The following SLC16A2 variants were observed in gnomAD, a reference collection of about 807,000 sequenced individuals.
SLC16A2 encodes the protein monocarboxylate transporter 8.
SLC16A2 carries 3 observed loss-of-function variants against 27.2 expected under a neutral mutation model. That is an observed-to-expected ratio of 0.11 (90% confidence interval 0.05 to 0.28). The LOEUF (loss-of-function observed/expected upper bound fraction) is 0.28, where lower values mean the gene tolerates loss of function less well. Among genes scored for constraint, SLC16A2 ranks in the 10% least tolerant of loss-of-function variants. The probability of loss-of-function intolerance (pLI) is 1.00; values close to 1 mark genes in which losing one functional copy is unlikely to be tolerated. For missense variants in SLC16A2, 295 were observed against 458.5 expected (o/e 0.64, Z 3.26); for synonymous variants, 202 against 187.8 (o/e 1.08, Z -0.62).
chrX:74,436,042 G>C (rs1404545653), intron 1 of SLC16A2, among the ~76,000 whole-genome samples: 5 of 111,456 alleles, frequency 4.5e-5, no homozygotes, highest in African/African-American at 1.6e-4. Flanking sequence ...GAGTGGTGAG[G>C]TTGTGAGTGG....
At chrX:74,495,263 C>T (rs1748309) in intron 1 of SLC16A2, among the ~76,000 whole-genome samples, 4 of 111,092 alleles carry the variant, frequency 3.6e-5, no homozygotes, top group Admixed American at 1.9e-4. Flanking sequence ...TCACAGATAC[C>T]AGCCAGGGAG....
chrX:74,424,861 T>G (rs770696242), intron 1 of SLC16A2, among the ~76,000 whole-genome samples: 1 of 111,218 alleles, frequency 9.0e-6, no homozygotes, highest in East Asian at 2.8e-4. Context: ...AGGTAGTTTC[T>G]TATACTTTAT....
Position 74,517,468 on chromosome X carries a change from A to AT in SLC16A2, c.431-3514dup, listed in dbSNP as rs760700905. On this transcript the variant is annotated intron_variant, in intron 1 of 5. Coordinates refer to ENST00000587091, the MANE Select transcript of SLC16A2 (RefSeq NM_006517.5). ...GTAAGATGATTTGCTAAATTTAATT[A>AT]TTTTTTTTCTCTTTGACAATACAAC... Among the ~76,000 whole-genome samples, 47 of 110,867 alleles carry AT rather than the reference A, an allele frequency of 4.2e-4. 1 individual carries two copies. The South Asian group carries it at 4.6e-3, about 11-fold the overall frequency.
At chrX:74,518,378 G>C (rs1930350115) in intron 1 of SLC16A2, among the ~76,000 whole-genome samples, 1 of 111,656 alleles carries the variant, frequency 9.0e-6, no homozygotes, top group Non-Finnish European at 1.9e-5. Context: ...TGGATCATTT[G>C]AGGCCGGGAG....
chrX:74,452,533 G>A (rs1024465716), intron 1 of SLC16A2, among the ~76,000 whole-genome samples: 24 of 111,425 alleles, frequency 2.2e-4, no homozygotes, highest in African/African-American at 7.2e-4. Context: ...AGTTTGTCAC[G>A]CAGAGTAGGG....
In SLC16A2 at chrX:74,439,283, CCCTT is replaced by C. The variant is rs1190372955; in HGVS notation, c.430+17233_430+17236del. Among the ~76,000 whole-genome samples the C allele has an allele frequency of 2.9e-3, 275 of 93,976 alleles. 1 individual carries two copies. The highest frequency in any genetic ancestry group is 0.01 in the African/African-American group (251 of 24,961). The allele number at this position is 93,976 out of a possible 115,157, so 81.6% of individuals were successfully genotyped here. A position where few individuals can be genotyped will look rare whatever the true frequency, so the allele number is the denominator to read the frequency against. ...TTTCTCTCTCCCTTCCTTCCTCCCT[CCCTT>C]CCTTCCTTCCTTCCTTTCTTCCTTT... On this transcript the variant is annotated intron_variant, in intron 1 of 5. Coordinates refer to ENST00000587091, the MANE Select transcript of SLC16A2 (RefSeq NM_006517.5).
intron 1 of SLC16A2, among the ~76,000 whole-genome samples, chrX:74,509,573 CT>C (rs756722619): frequency 3.7e-5 from 4 of 108,703 alleles, no homozygotes; most frequent in African/African-American, 1.0e-4. Context: ...GTTTTTTCCC[CT>C]TTTTTTTGAG....
At chrX:74,495,130 A>C (rs1337955418) in intron 1 of SLC16A2, among the ~76,000 whole-genome samples, 2 of 111,981 alleles carry the variant, frequency 1.8e-5, no homozygotes, top group Admixed American at 9.5e-5. Flanking sequence ...CCCACACCCC[A>C]GGTGAGCCTT....
intron 1 of SLC16A2, among the ~76,000 whole-genome samples, chrX:74,447,321 C>T (rs1326662150): frequency 8.9e-6 from 1 of 111,763 alleles, no homozygotes; most frequent in Non-Finnish European, 1.9e-5. Flanking sequence ...GGCCCACTAA[C>T]TCCCTGTGTG....
At chrX:74,449,443 G>T (rs150012428) in intron 1 of SLC16A2, among the ~76,000 whole-genome samples, 2 of 112,070 alleles carry the variant, frequency 1.8e-5, no homozygotes, top group Non-Finnish European at 3.8e-5. Flanking sequence ...AGCCCCAAAG[G>T]CTCAAGATAT....
chrX:74,507,265 AT>A (rs1259369404), intron 1 of SLC16A2, among the ~76,000 whole-genome samples: 1 of 110,599 alleles, frequency 9.0e-6, no homozygotes. Flanking sequence ...CTCATCTGTG[AT>A]TTTTTTTATT....
At chrX:74,513,109 T>C (rs1930260812) in intron 1 of SLC16A2, among the ~76,000 whole-genome samples, 2 of 111,922 alleles carry the variant, frequency 1.8e-5, no homozygotes, top group African/African-American at 6.5e-5. Context: ...ATTATAATAG[T>C]TCATCCTCAA....
chrX:74,445,447 A>C (rs933599346), intron 1 of SLC16A2, among the ~76,000 whole-genome samples: 1 of 109,024 alleles, frequency 9.2e-6, no homozygotes, highest in East Asian at 2.9e-4. Flanking sequence ...ATTTTGCTAG[A>C]TGCTATGATA....
At position 74,443,156 on chromosome X, in the gene SLC16A2, C is replaced by CT. The variant is rs143704684; in HGVS notation, c.430+21097dup. Among the ~76,000 whole-genome samples, 975 of 111,126 alleles carry CT rather than the reference C, an allele frequency of 8.8e-3. 6 individuals are homozygous for CT. Among genetic ancestry groups the CT allele is most frequent in the Non-Finnish European group, 0.014 (715 of 52,922 alleles). ...TAGCTTTATGAGGGGATATTCCTCCCTTTTTTTTCACACATTAGAGTATTG... is the reference window on the plus strand; with the variant it reads ...TAGCTTTATGAGGGGATATTCCTCCCTTTTTTTTTCACACATTAGAGTATTG... On this transcript the variant is annotated intron_variant, in intron 1 of 5. Coordinates refer to ENST00000587091, the MANE Select transcript of SLC16A2 (RefSeq NM_006517.5).
chrX:74,439,205 T>TCTTC (rs1476409713), intron 1 of SLC16A2, among the ~76,000 whole-genome samples: 6 of 104,329 alleles, frequency 5.8e-5, no homozygotes, highest in South Asian at 4.5e-4. Flanking sequence ...TTTCTTTCTT[T>TCTTC]CTTCCTTCCT....
chrX:74,438,232 C>T (rs189807269), intron 1 of SLC16A2, among the ~76,000 whole-genome samples: 6 of 112,476 alleles, frequency 5.3e-5, no homozygotes, highest in African/African-American at 1.3e-4. Flanking sequence ...CAAGTCTGAG[C>T]TTCACTCCCT....
At chrX:74,443,676 A>T (rs760630935) in intron 1 of SLC16A2, among the ~76,000 whole-genome samples, 1 of 112,311 alleles carries the variant, frequency 8.9e-6, no homozygotes, top group Non-Finnish European at 1.9e-5. Flanking sequence ...TTGGCAAATA[A>T]GAAATTCCTG....
At chrX:74,486,783 C>T (rs1251670193) in intron 1 of SLC16A2, among the ~76,000 whole-genome samples, 2 of 112,031 alleles carry the variant, frequency 1.8e-5, no homozygotes, top group Non-Finnish European at 3.8e-5. Context: ...GACACATGCA[C>T]ATGTATGTTT....
At chrX:74,430,577 C>G (rs58321140) in intron 1 of SLC16A2, among the ~76,000 whole-genome samples, 33,913 of 111,055 alleles carry the variant, frequency 0.31, 4,302 homozygotes, top group African/African-American at 0.48. Flanking sequence ...ACTTTCTCTT[C>G]AAAATGCAAA....
Sources: gnomAD v4.1 joint callset for allele counts (sites outside exome capture counted in the v4.1 genomes callset) on GRCh38, gnomAD v4.1.1 for gene constraint, MANE v1.5 for transcripts, NCBI Gene and HGNC (gene_info 2026-07-23, HGNC 2026-07-21) for gene names.